The following SCNN1G variants were observed in gnomAD, a reference collection of about 807,000 sequenced individuals.
The protein encoded by SCNN1G is sodium channel epithelial 1 subunit gamma.
A neutral mutation model predicts 64.6 loss-of-function variants in SCNN1G; 27 were observed. The ratio of observed to expected loss-of-function variants is 0.42; its 90% CI spans 0.31 to 0.58. SCNN1G has a LOEUF of 0.58. SCNN1G is among the 20% of genes least tolerant of loss of function. The probability of loss-of-function intolerance (pLI) is 0.18; values close to 1 mark genes in which losing one functional copy is unlikely to be tolerated. For synonymous variants in SCNN1G, 330 were observed against 314.2 expected, an observed-to-expected ratio of 1.05 and a Z score of -0.53; for missense variants, 743 against 823.4, an observed-to-expected ratio of 0.90 and a Z score of 1.19.
chr16:23,214,761 T>A lies in SCNN1G; in HGVS notation c.1543T>A (p.Ser515Thr), dbSNP rs769937483. The change falls in exon 12 of 13, where the codon TCC (serine) becomes ACC (threonine). Residue 515 changes from serine (S) to threonine (T), a missense_variant. Ser to Thr is a moderately conservative substitution (Grantham distance 58, BLOSUM62 1). Transcript: ENST00000300061. Reference protein sequence around the residue: ...LIFYKDLNQRSIMESPANSIE... With the variant: ...LIFYKDLNQRTIMESPANSIE... ...ATTCTACAAAGACCTGAACCAGAGA[T>A]CCATCATGGAGAGCCCAGCCAACAG... 6.2e-7 allele frequency: 1 copy of A among 1,614,076 alleles called. No individual in the cohort carries two copies. The highest frequency in any genetic ancestry group is 8.5e-7 in the Non-Finnish European group (1 of 1,179,948).
At chr16:23,214,617 T>C in intron 11 of SCNN1G, 95 bp from the exon 12 acceptor site, 1 of 972,372 alleles carries the variant, frequency 1.0e-6, no homozygotes, top group East Asian at 2.4e-5. Context: ...GCCTTGGCCA[T>C]GCTGCCAGCT....
chr16:23,212,868 G>A lies in SCNN1G; in HGVS notation c.1405G>A (p.Ala469Thr), dbSNP rs1399577461. Reference protein sequence around the residue: ...FKEWTLTTSLAQWPSVVSEKW... With the variant: ...FKEWTLTTSLTQWPSVVSEKW... ...AGAGTGGACACTAACCACAAGCCTG[G>A]CACAATGGCCATCTGTGGTTTCGGA... Residue 469 changes from alanine (A) to threonine (T), a missense_variant, in exon 10 of 13, where the codon GCA becomes ACA. Coordinates refer to ENST00000300061, the MANE Select transcript of SCNN1G (RefSeq NM_001039.4). 6.2e-7 allele frequency: 1 copy of A among 1,614,130 alleles called. No homozygotes were observed. Among genetic ancestry groups the A allele is most frequent in the Non-Finnish European group, 8.5e-7 (1 of 1,180,022 alleles).
Position 23,185,136 on chromosome 16 carries a change from C to G in SCNN1G, c.-44-1092C>G, listed in dbSNP as rs578019287. Among the ~76,000 whole-genome samples, 8 of 152,358 alleles carry G rather than the reference C, an allele frequency of 5.3e-5. No individual in the cohort carries two copies. In the South Asian group the frequency reaches 1.7e-3, roughly 32 times the overall value. On this transcript the variant is annotated intron_variant, in intron 1 of 12. Coordinates refer to ENST00000300061, the MANE Select transcript of SCNN1G (RefSeq NM_001039.4). The stretch of plus-strand genomic sequence containing the variant: ...TGCAGGGTTCCATCCAGCTCCTCCA[C>G]TAACCAGCTGCATCATCTTACACAA...
At chr16:23,209,600 G>T in intron 6 of SCNN1G, 150 bp from the exon 7 acceptor site, 1 of 686,328 alleles carries the variant, frequency 1.5e-6, no homozygotes, top group South Asian at 1.6e-5. Context: ...CACCTAATAG[G>T]TTCTCACTAA....
At chr16:23,206,521 G>A (rs1203876806) in intron 6 of SCNN1G, among the ~76,000 whole-genome samples, 4 of 152,116 alleles carry the variant, frequency 2.6e-5, no homozygotes, top group Non-Finnish European at 4.4e-5. Context: ...AGGCTGAGGT[G>A]GGAGGATTAC....
rs4499239 is a variant in SCNN1G at position 23,212,403 on chromosome 16, C to G, written c.1294+252C>G. On this transcript the variant is annotated intron_variant, in intron 8 of 12. Coordinates refer to ENST00000300061, the MANE Select transcript of SCNN1G (RefSeq NM_001039.4). Reference sequence around the variant, plus strand: ...TTTCACAGAATAGATAACCAAGGCCCAGAAAGGCTAAGTGGCTTGCCCAAG... The same window carrying G: ...TTTCACAGAATAGATAACCAAGGCCGAGAAAGGCTAAGTGGCTTGCCCAAG... Among the ~76,000 whole-genome samples the G allele has an allele frequency of 0.21, 31,649 of 152,102 alleles. 3,408 individuals carry two copies. The highest frequency in any genetic ancestry group is 0.23 in the African/African-American group (9,703 of 41,494).
intron 6 of SCNN1G, among the ~76,000 whole-genome samples, chr16:23,208,644 CCTTTCTCTCTCTCTCTTT>C (rs1041205653): frequency 7.3e-6 from 1 of 137,880 alleles, no homozygotes; most frequent in Non-Finnish European, 1.6e-5. Context: ...GCCCTTCCTT[CCTTTCTCTCTCTCTCTTT>C]CTTTCTCTCT....
At chr16:23,207,655 C>A (rs1281931383) in intron 6 of SCNN1G, among the ~76,000 whole-genome samples, 1 of 152,222 alleles carries the variant, frequency 6.6e-6, no homozygotes, top group Non-Finnish European at 1.5e-5. Flanking sequence ...TCTGCTAGTG[C>A]GGGCACCCTG....
Position 23,215,253 on chromosome 16 carries a change from T to C in SCNN1G, c.1734T>C (p.Ala578=), listed in dbSNP as rs759331130. ...KAKEWWAWKQ[A]PPCPEAPRSP... Reference sequence around the variant, plus strand: ...AGGAGTGGTGGGCCTGGAAACAGGCTCCCCCATGTCCAGAAGCTCCCCGTA... The same window carrying C: ...AGGAGTGGTGGGCCTGGAAACAGGCCCCCCCATGTCCAGAAGCTCCCCGTA... Residue 578 remains alanine (A), a synonymous_variant, in exon 13 of 13, where the codon GCT becomes GCC. Transcript: ENST00000300061. 6.2e-7 allele frequency: 1 copy of C among 1,613,938 alleles called. No homozygotes were observed. Among genetic ancestry groups the C allele is most frequent in the South Asian group, 1.1e-5 (1 of 91,054 alleles).
Position 23,212,845 on chromosome 16 carries a change from A to G in SCNN1G, c.1382A>G (p.Glu461Gly). ...GTCCCCTCCTCCCTTAGCTTTAAAGAGTGGACACTAACCACAAGCCTGGCA... is the reference window on the plus strand; with the variant it reads ...GTCCCCTCCTCCCTTAGCTTTAAAGGGTGGACACTAACCACAAGCCTGGCA... ...SVCKEACSFK[E>G]WTLTTSLAQW... The change falls in exon 10 of 13, where the codon GAG becomes GGG. Residue 461 changes from glutamate to glycine, a missense_variant. Transcript: ENST00000300061. 6.2e-7 allele frequency: 1 copy of G among 1,614,188 alleles called. No individual in the cohort carries two copies. The highest frequency in any genetic ancestry group is 8.5e-7 in the Non-Finnish European group (1 of 1,180,022).
chr16:23,186,173 A>G lies in SCNN1G; in HGVS notation c.-44-55A>G. The G allele has an allele frequency of 3.6e-6, 4 of 1,125,444 alleles. No individual in the cohort carries two copies. In the South Asian group the frequency reaches 5.1e-5, roughly 14 times the overall value. 69.7% of individuals were successfully genotyped at this position (1,125,444 alleles called of 1,614,324 possible). On this transcript the variant is annotated intron_variant, in intron 1 of 12. Transcript: ENST00000300061. ...TTCCCAGACTGTGGTCTCCAGGGAC[A>G]CACTAGCCGGCTAGTGCCTGCCAGC...
intron 6 of SCNN1G, among the ~76,000 whole-genome samples, chr16:23,198,280 C>G (rs760240238): frequency 1.3e-5 from 2 of 152,174 alleles, no homozygotes; most frequent in Non-Finnish European, 2.9e-5. Flanking sequence ...CCCGAGTCAG[C>G]CTTGCCCAAT....
At chr16:23,212,978 A>C in intron 10 of SCNN1G, 84 bp downstream of exon 10, 1 of 1,532,824 alleles carries the variant, frequency 6.5e-7, no homozygotes, top group Non-Finnish European at 9.0e-7. Context: ...CTGGCCTGGG[A>C]CATGGTCCAG....
In SCNN1G at chr16:23,215,871, G is replaced by A; in HGVS notation, c.*402G>A. The A allele has an allele frequency of 1.4e-5, 4 of 285,348 alleles. No individual in the cohort carries two copies. Among genetic ancestry groups the A allele is most frequent in the South Asian group, 1.2e-4 (3 of 24,568 alleles). The allele number at this position is 285,348 out of a possible 1,614,324, so 17.7% of individuals were successfully genotyped here. The stretch of plus-strand genomic sequence containing the variant: ...ACCCACACTGCCAGCCTGGGTTGGG[G>A]CCCAAGGATGTGACCTTGAGTGTCA... On this transcript the variant is annotated 3_prime_UTR_variant, in exon 13 of 13. Coordinates refer to ENST00000300061, the MANE Select transcript of SCNN1G (RefSeq NM_001039.4).
chr16:23,215,701 G>C lies in SCNN1G; in HGVS notation c.*232G>C. On this transcript the variant is annotated 3_prime_UTR_variant, in exon 13 of 13. Transcript: ENST00000300061. ...ACTGTCCAGGCTGAGATAAATCCCG[G>C]GACCTGAACTATTAGCACGTCACTA... is the stretch of plus-strand genomic sequence containing the variant. The C allele has an allele frequency of 1.7e-6, 1 of 600,504 alleles. No homozygotes were observed. Among genetic ancestry groups the C allele is most frequent in the Admixed American group, 2.9e-5 (1 of 34,380 alleles). 37.2% of individuals were successfully genotyped at this position (600,504 alleles called of 1,614,324 possible).
intron 6 of SCNN1G, among the ~76,000 whole-genome samples, chr16:23,201,529 C>CAACA (rs1567266308): frequency 7.7e-6 from 1 of 130,012 alleles, no homozygotes; most frequent in Non-Finnish European, 1.7e-5. Context: ...AGAACAACAA[C>CAACA]AAAAAAAAAA....
At position 23,204,316 on chromosome 16, in the gene SCNN1G, TATATATATATATATATATAGAGAGAG is replaced by T. The variant is rs1204953547; in HGVS notation, c.1078-5432_1078-5407del. On this transcript the variant is annotated intron_variant, in intron 6 of 12. Transcript: ENST00000300061. ...ATATATATATATATATATATATATA[TATATATATATATATATATAGAGAGAG>T]AGAGAGAGAGAGAGAGAGAGAGAGA... Among the ~76,000 whole-genome samples the T allele has an allele frequency of 1.1e-4, 9 of 82,704 alleles. No homozygotes were observed. In the East Asian group the frequency reaches 2.1e-3, roughly 20 times the overall value. 54.3% of individuals were successfully genotyped at this position (82,704 alleles called of 152,430 possible).
intron 2 of SCNN1G, 106 bp from the exon 3 acceptor site, chr16:23,189,265 G>C: frequency 8.6e-7 from 1 of 1,165,430 alleles, no homozygotes; most frequent in East Asian, 2.3e-5. Flanking sequence ...GTTGGGAAAG[G>C]TGGGCATGAG....
At chr16:23,201,526 C>CAA (rs1469315310) in intron 6 of SCNN1G, among the ~76,000 whole-genome samples, 1 of 101,500 alleles carries the variant, frequency 9.9e-6, no homozygotes, top group African/African-American at 3.0e-5. Context: ...TTTAGAACAA[C>CAA]AACAAAAAAA....
Sources: allele counts gnomAD v4.1 joint callset (sites outside exome capture counted in the v4.1 genomes callset), GRCh38; gene constraint gnomAD v4.1.1; transcripts MANE v1.5; gene names NCBI Gene and HGNC (gene_info 2026-07-23, HGNC 2026-07-21).